The following MRPL47 variants were observed in gnomAD, a reference collection of about 807,000 sequenced individuals.
MRPL47 encodes the protein large ribosomal subunit protein uL29m.
MRPL47 carries 31 observed loss-of-function variants against 34.0 expected under a neutral mutation model. The ratio of observed to expected loss-of-function variants is 0.91; its 90% CI spans 0.68 to 1.23. MRPL47 has a LOEUF of 1.23. Among genes scored for constraint, MRPL47 ranks in the 50% most tolerant of loss-of-function variants. The probability of loss-of-function intolerance (pLI) is 0.00; values close to 1 mark genes in which losing one functional copy is unlikely to be tolerated. For missense variants in MRPL47, 328 were observed against 285.8 expected (o/e 1.15, Z -1.07); for synonymous variants, 106 against 101.6 (o/e 1.04, Z -0.26).
At chr3:179,591,672 C>A (rs1718675792) in intron 6 of MRPL47, among the ~76,000 whole-genome samples, 1 of 152,176 alleles carries the variant, frequency 6.6e-6, no homozygotes, top group South Asian at 2.1e-4. Context: ...TTTTCAACAG[C>A]CTTGCAATAA....
intron 3 of MRPL47, among the ~76,000 whole-genome samples, chr3:179,600,655 A>T (rs1718906323): frequency 6.6e-6 from 1 of 151,900 alleles, no homozygotes; most frequent in Non-Finnish European, 1.5e-5. Flanking sequence ...AAGATAAAAT[A>T]AAAAAAAGCA....
At chr3:179,593,990 A>C in intron 4 of MRPL47, 95 bp from the exon 5 acceptor site, 5 of 1,154,674 alleles carry the variant, frequency 4.3e-6, no homozygotes, top group Non-Finnish European at 6.1e-6. Context: ...CAGAAAACTT[A>C]TGAATATTTA....
At position 179,588,541 on chromosome 3, in the gene MRPL47, C is replaced by CTATT. The variant is rs1485068853; in HGVS notation, c.*327_*330dup. On this transcript the variant is annotated 3_prime_UTR_variant, in exon 7 of 7. Transcript: ENST00000476781. ...TAGCCTATTAACAACAGAGGTAAAA[C>CTATT]TATTATTCAAATTCAAAAACTACGG... 1 of 200,620 alleles carries CTATT rather than the reference C, an allele frequency of 5.0e-6. No homozygotes were observed. Among genetic ancestry groups the CTATT allele is most frequent in the African/African-American group, 2.3e-5 (1 of 42,876 alleles). The allele number at this position is 200,620 out of a possible 1,614,324, so 12.4% of individuals were successfully genotyped here. A position where few individuals can be genotyped will look rare whatever the true frequency, so the allele number is the denominator to read the frequency against.
chr3:179,602,285 G>A (rs369465538), intron 2 of MRPL47, among the ~76,000 whole-genome samples: 2 of 152,024 alleles, frequency 1.3e-5, no homozygotes, highest in African/African-American at 4.8e-5. Flanking sequence ...CAGAGGCTGC[G>A]GTGAGCTGAG....
Position 179,588,858 on chromosome 3 carries a change from A to ATAG in MRPL47, c.*11_*13dup, listed in dbSNP as rs756747385. Reference sequence around the variant, plus strand: ...CAAGAAAAACAAAATGGTAAATTTAATAGTTCAGACATCTTAGACAAGACT... The same window carrying ATAG: ...CAAGAAAAACAAAATGGTAAATTTAATAGTAGTTCAGACATCTTAGACAAGACT... On this transcript the variant is annotated 3_prime_UTR_variant, in exon 7 of 7. Transcript: ENST00000476781. 3 of 1,608,198 alleles carry ATAG rather than the reference A, an allele frequency of 1.9e-6. No individual in the cohort carries two copies. The African/African-American group carries it at 4.0e-5, about 22-fold the overall frequency.
At chr3:179,604,295 A>C (rs1359114286) in intron 1 of MRPL47, among the ~76,000 whole-genome samples, 1 of 152,220 alleles carries the variant, frequency 6.6e-6, no homozygotes, top group Non-Finnish European at 1.5e-5. Context: ...GACATCTACA[A>C]ACCCCATATA....
At chr3:179,592,187 C>A (rs913911952) in intron 6 of MRPL47, among the ~76,000 whole-genome samples, 8 of 151,168 alleles carry the variant, frequency 5.3e-5, no homozygotes, top group Non-Finnish European at 8.9e-5. Context: ...TTCTTTTTTA[C>A]CTATTTTGTT....
At chr3:179,592,473 T>C (rs1004275901) in intron 6 of MRPL47, among the ~76,000 whole-genome samples, 171 bp downstream of exon 6, 4 of 152,174 alleles carry the variant, frequency 2.6e-5, no homozygotes, top group African/African-American at 7.2e-5. Context: ...GGATTACAGG[T>C]GTGAGCCACC....
chr3:179,591,272 G>A (rs531368858), intron 6 of MRPL47, among the ~76,000 whole-genome samples: 3 of 152,228 alleles, frequency 2.0e-5, no homozygotes, highest in Non-Finnish European at 2.9e-5. Flanking sequence ...GGAGCCCTTC[G>A]GTTCCTCTGC....
intron 4 of MRPL47, 116 bp from the exon 5 acceptor site, chr3:179,594,011 C>T (rs1164899032): frequency 1.1e-6 from 1 of 951,858 alleles, no homozygotes; most frequent in East Asian, 2.5e-5. Context: ...TGCCAAAGAA[C>T]CACTCTGTTA....
intron 3 of MRPL47, among the ~76,000 whole-genome samples, chr3:179,600,245 A>C (rs1464974347): frequency 6.6e-6 from 1 of 152,222 alleles, no homozygotes; most frequent in African/African-American, 2.4e-5. Context: ...CTTTAATACA[A>C]CTTATTTTTC....
At position 179,602,594 on chromosome 3, in the gene MRPL47, GGGGC is replaced by G. The variant is rs1262325844; in HGVS notation, c.244+54_244+57del. 4.1e-3 allele frequency: 3,014 copies of G among 740,692 alleles called. 2 individuals carry two copies. The highest frequency in any genetic ancestry group is 0.013 in the East Asian group (312 of 23,588). 45.9% of individuals were successfully genotyped at this position (740,692 alleles called of 1,614,324 possible). ...TATAATCCTAGAACGATGGTTGGGC[GGGGC>G]GGGGGGGGGGGTTCCATAAATATAT... is the stretch of plus-strand genomic sequence containing the variant. On this transcript the variant is annotated intron_variant, in intron 2 of 6. Transcript: ENST00000476781.
chr3:179,598,370 G>A (rs949456626), intron 4 of MRPL47, among the ~76,000 whole-genome samples: 23 of 131,416 alleles, frequency 1.8e-4, no homozygotes, highest in Non-Finnish European at 3.6e-4. Context: ...GCCTGGGGGC[G>A]ACAGAGTGAG....
At position 179,592,669 on chromosome 3, in the gene MRPL47, A is replaced by T. The variant is rs1261540955; in HGVS notation, c.604T>A (p.Leu202Met). 1 of 1,613,272 alleles carries T rather than the reference A, an allele frequency of 6.2e-7. No homozygotes were observed. Among genetic ancestry groups the T allele is most frequent in the Non-Finnish European group, 8.5e-7 (1 of 1,179,320 alleles). The change falls in exon 6 of 7, where the codon TTG becomes ATG. Residue 202 changes from leucine (L) to methionine (M), a missense_variant. Coordinates refer to ENST00000476781, the MANE Select transcript of MRPL47 (RefSeq NM_020409.3). ...CTGAGAAAATGGTCCACATAAGGCAAGGCAAAGAATCGTTTCCTATTGTAT... is the reference window on the plus strand; with the variant it reads ...CTGAGAAAATGGTCCACATAAGGCATGGCAAAGAATCGTTTCCTATTGTAT... ...KRYNRKRFFA[L>M]PYVDHFLRLE...
chr3:179,594,152 T>C (rs901908891), intron 4 of MRPL47, among the ~76,000 whole-genome samples: 1 of 152,254 alleles, frequency 6.6e-6, no homozygotes, highest in Non-Finnish European at 1.5e-5. Flanking sequence ...TGGAGTGAGA[T>C]ACACTTACAT....
chr3:179,599,819 A>G (rs1718884630), intron 3 of MRPL47, among the ~76,000 whole-genome samples: 1 of 152,202 alleles, frequency 6.6e-6, no homozygotes, highest in South Asian at 2.1e-4. Flanking sequence ...TTTTCTGAAT[A>G]CATCTATTTG....
intron 6 of MRPL47, among the ~76,000 whole-genome samples, chr3:179,591,500 C>T (rs1238438691): frequency 2.6e-5 from 4 of 152,150 alleles, no homozygotes; most frequent in African/African-American, 9.7e-5. Flanking sequence ...TTCATGGGAA[C>T]ACTGCACTCC....
chr3:179,589,990 A>G lies in MRPL47; in HGVS notation c.630-995T>C, dbSNP rs575936250. 4.6e-5 allele frequency among the ~76,000 whole-genome samples: 7 copies of G among 152,340 alleles called. No individual in the cohort carries two copies. In the South Asian group the frequency reaches 1.5e-3, roughly 32 times the overall value. On this transcript the variant is annotated intron_variant, in intron 6 of 6. Transcript: ENST00000476781. ...TAGTTTCAAAAACAAAATCATTAGA[A>G]TATGTATAAAACCTGTAAAAGTGAT...
intron 4 of MRPL47, among the ~76,000 whole-genome samples, chr3:179,594,900 C>T (rs1043199215): frequency 2.6e-5 from 4 of 152,158 alleles, no homozygotes; most frequent in African/African-American, 7.2e-5. Context: ...GTCCCTTAAG[C>T]ATCACAACAG....
Sources: gnomAD v4.1 joint callset for allele counts (sites outside exome capture counted in the v4.1 genomes callset) on GRCh38, gnomAD v4.1.1 for gene constraint, MANE v1.5 for transcripts, NCBI Gene and HGNC (gene_info 2026-07-23, HGNC 2026-07-21) for gene names.